Variants in RTN1 observed in about 807,000 individuals in gnomAD.
RTN1 encodes reticulon 1.
Under a neutral mutation model 65.5 loss-of-function variants are expected in RTN1, and 25 were observed. That is an observed-to-expected ratio of 0.38 (90% confidence interval 0.28 to 0.53). The LOEUF (loss-of-function observed/expected upper bound fraction) is 0.53, where lower values mean the gene tolerates loss of function less well. Among genes scored for constraint, RTN1 ranks in the 20% least tolerant of loss-of-function variants. The pLI is 0.79. For synonymous variants in RTN1, 471 were observed against 447.6 expected (o/e 1.05, Z -0.66); for missense variants, 983 against 1,025.4 (o/e 0.96, Z 0.57).
chr14:59,643,053 T>C (rs12431381), intron 3 of RTN1, among the ~76,000 whole-genome samples: 53,180 of 152,086 alleles, frequency 0.35, 11,224 homozygotes, highest in East Asian at 0.47. Flanking sequence ...AGTGATCTCA[T>C]AGATGGCATT....
chr14:59,845,950 C>T (rs1030394877), intron 1 of RTN1, among the ~76,000 whole-genome samples: 24 of 152,134 alleles, frequency 1.6e-4, no homozygotes, highest in African/African-American at 5.3e-4. Context: ...CATACATATC[C>T]GCACTATAGT....
chr14:59,793,671 C>CAT, intron 1 of RTN1, among the ~76,000 whole-genome samples: 1 of 150,870 alleles, frequency 6.6e-6, no homozygotes, highest in Non-Finnish European at 1.5e-5. Flanking sequence ...CACACACACA[C>CAT]AGAGTGATGA....
chr14:59,741,294 C>T (rs914426350), intron 2 of RTN1, among the ~76,000 whole-genome samples: 1 of 152,212 alleles, frequency 6.6e-6, no homozygotes, highest in East Asian at 1.9e-4. Context: ...GACTTGCTCC[C>T]TCACTCCATT....
intron 1 of RTN1, among the ~76,000 whole-genome samples, chr14:59,852,286 A>G (rs924483271): frequency 9.2e-5 from 14 of 152,232 alleles, no homozygotes; most frequent in African/African-American, 2.7e-4. Flanking sequence ...GTATGTTCAT[A>G]TATAAATAAA....
rs150468388 is a variant in RTN1, at chr14:59,714,451, G to T, written c.1765+12468C>A. The stretch of plus-strand genomic sequence containing the variant: ...GCTAATTTAATAGATGAGTGTGAGT[G>T]TTCATTAGCAGGTAGCTTTCCACCA... On this transcript the variant is annotated intron_variant, in intron 3 of 8. Transcript: ENST00000267484. Among the ~76,000 whole-genome samples the T allele has an allele frequency of 4.1e-3, 622 of 152,236 alleles. 2 individuals are homozygous for T. The highest frequency in any genetic ancestry group is 0.014 in the Middle Eastern group (4 of 294).
chr14:59,724,926 G>A (rs1884726643), intron 3 of RTN1, among the ~76,000 whole-genome samples: 2 of 152,154 alleles, frequency 1.3e-5, no homozygotes, highest in African/African-American at 4.8e-5. Context: ...GTGGAGCAGT[G>A]AGTTTCAGTG....
chr14:59,866,244 A>G (rs553979821), intron 1 of RTN1, among the ~76,000 whole-genome samples: 1 of 152,298 alleles, frequency 6.6e-6, no homozygotes. Flanking sequence ...GGCATTTAAC[A>G]TAAGTCTACT....
Position 59,870,433 on chromosome 14 carries a change from G to A in RTN1, c.198C>T (p.Gly66=), listed in dbSNP as rs572348567. 2.9e-4 allele frequency: 435 copies of A among 1,517,040 alleles called. 1 individual carries two copies. The African/African-American group carries it at 5.7e-3, about 20-fold the overall frequency. 94.0% of individuals were successfully genotyped at this position (1,517,040 alleles called of 1,614,324 possible). Residue 66 remains glycine (G), a synonymous_variant, in exon 1 of 9, where the codon GGC becomes GGT. Transcript: ENST00000267484. This position sits in a 1 kb window ranked among gnomAD's most constrained non-coding sequence, Gnocchi z 5.1. ...TGGCAACGGGCGACTGCCGGGCGGG[G>A]CCCGAGCCGGCTTCCCGCGACGCCG... ...REAASREAGS[G]PARQSPVAME...
chr14:59,630,734 G>A, intron 3 of RTN1: 1 of 1,105,314 alleles, frequency 9.0e-7, no homozygotes, highest in Non-Finnish European at 1.1e-6. Context: ...CTGCGCGCAT[G>A]GGGATGCGGG....
chr14:59,608,698 C>T (rs1048497284), intron 3 of RTN1, among the ~76,000 whole-genome samples: 1 of 152,164 alleles, frequency 6.6e-6, no homozygotes, highest in Admixed American at 6.5e-5. Flanking sequence ...CCCCACCCAC[C>T]ACCACTACCT....
intron 1 of RTN1, among the ~76,000 whole-genome samples, chr14:59,783,359 T>C (rs1339807727): frequency 6.6e-6 from 1 of 151,910 alleles, no homozygotes; most frequent in East Asian, 1.9e-4. Flanking sequence ...AGAAAAGCAG[T>C]TGGAGTGGGG....
rs904493429 is a variant in RTN1 at position 59,829,309 on chromosome 14, T to TG, written c.241+41080dup. On this transcript the variant is annotated intron_variant, in intron 1 of 8. Coordinates refer to ENST00000267484, the MANE Select transcript of RTN1 (RefSeq NM_021136.3). The surrounding 1 kb of genome is among the most constrained non-coding windows in gnomAD (Gnocchi z 4.3). The stretch of plus-strand genomic sequence containing the variant: ...GGAAAAACATGCTGTTGCACAAAAG[T>TG]GGGGGGAATCAAAATGTGATGGGTG... 1.4e-4 allele frequency among the ~76,000 whole-genome samples: 21 copies of TG among 151,930 alleles called. No homozygotes were observed. Among genetic ancestry groups the TG allele is most frequent in the Middle Eastern group, 3.4e-3 (1 of 294 alleles).
intron 3 of RTN1, among the ~76,000 whole-genome samples, chr14:59,655,272 G>C (rs563342655): frequency 2.6e-5 from 4 of 152,222 alleles, no homozygotes; most frequent in Admixed American, 6.5e-5. Flanking sequence ...GTCATACCCT[G>C]ACAACTACAA....
At chr14:59,725,061 G>A (rs1884729476) in intron 3 of RTN1, among the ~76,000 whole-genome samples, 1 of 152,090 alleles carries the variant, frequency 6.6e-6, no homozygotes, top group African/African-American at 2.4e-5. Flanking sequence ...GGCAGCACAG[G>A]GTCCAAGCCA....
At chr14:59,768,631 C>G (rs1427749545) in intron 1 of RTN1, among the ~76,000 whole-genome samples, 1 of 152,122 alleles carries the variant, frequency 6.6e-6, no homozygotes, top group Non-Finnish European at 1.5e-5. Flanking sequence ...AGAGGGGAGG[C>G]TTAGCCCTGG....
chr14:59,607,766 T>G (rs374916920), intron 3 of RTN1, among the ~76,000 whole-genome samples: 1 of 152,082 alleles, frequency 6.6e-6, no homozygotes, highest in Non-Finnish European at 1.5e-5. Flanking sequence ...TGGGTGTAGC[T>G]CTGTGGGCTA....
chr14:59,620,050 G>A (rs933778152), intron 3 of RTN1, among the ~76,000 whole-genome samples: 4 of 151,816 alleles, frequency 2.6e-5, no homozygotes. Context: ...AGAGGGAAGG[G>A]AGGGGTGAAG....
chr14:59,690,900 G>C (rs573126048), intron 3 of RTN1, among the ~76,000 whole-genome samples: 109 of 152,160 alleles, frequency 7.2e-4, no homozygotes, highest in Middle Eastern at 3.4e-3. Context: ...AATGAAAACA[G>C]AGACACAGCA....
intron 3 of RTN1, among the ~76,000 whole-genome samples, chr14:59,655,208 A>G (rs1418449430): frequency 6.6e-6 from 1 of 152,246 alleles, no homozygotes; most frequent in East Asian, 1.9e-4. Context: ...CACTTTCAAT[A>G]GCATAAGAAG....
Sources: gnomAD v4.1 joint callset for allele counts (sites outside exome capture counted in the v4.1 genomes callset) on GRCh38, gnomAD v4.1.1 for gene constraint, Gnocchi (gnomAD v3.1) non-coding constraint, MANE v1.5 for transcripts, NCBI Gene and HGNC (gene_info 2026-07-23, HGNC 2026-07-21) for gene names.